CFAP57: variants seen among roughly 807,000 people sequenced by gnomAD.
The protein encoded by CFAP57 is cilia and flagella associated protein 57, also known as cilia- and flagella-associated protein 57.
CFAP57 carries 116 observed loss-of-function variants against 146.8 expected under a neutral mutation model. The ratio of observed to expected loss-of-function variants is 0.79; its 90% confidence interval spans 0.68 to 0.92. The LOEUF is 0.92. Among genes scored for constraint, CFAP57 ranks in the 40% least tolerant of loss-of-function variants. CFAP57 has a pLI of 0.00. For missense variants in CFAP57, 1,377 were observed against 1,527.2 expected (o/e 0.90, Z 1.64); for synonymous variants, 518 against 552.8 (o/e 0.94, Z 0.88).
chr1:43,185,059 C>G (rs1387724594), intron 4 of CFAP57, 90 bp from the exon 5 acceptor site: 1 of 1,402,760 alleles, frequency 7.1e-7, no homozygotes, highest in African/African-American at 1.4e-5. Flanking sequence ...TTCTGTCACA[C>G]CCAGTGACAG....
intron 18 of CFAP57, among the ~76,000 whole-genome samples, chr1:43,227,608 A>G (rs1454919143): frequency 6.6e-6 from 1 of 152,182 alleles, no homozygotes; most frequent in African/African-American, 2.4e-5. Context: ...GGCATAATTA[A>G]GAATATGTTC....
In CFAP57 at chr1:43,254,023, T is replaced by C; in HGVS notation, c.3585T>C (p.Asn1195=). The C allele has an allele frequency of 6.4e-7, 1 of 1,550,526 alleles. No homozygotes were observed. The highest frequency in any genetic ancestry group is 8.7e-7 in the Non-Finnish European group (1 of 1,147,000). ...MLSTAPTARL[N]EQEETGRIIE... is the part of the protein sequence containing the mutation. Reference sequence around the variant, plus strand: ...GCACAGCTCCCACCGCAAGGTTGAATGAGCAAGAAGAAACTGGGAGGATCA... The same window carrying C: ...GCACAGCTCCCACCGCAAGGTTGAACGAGCAAGAAGAAACTGGGAGGATCA... Residue 1195 remains asparagine (N), a synonymous_variant, in exon 23 of 23, where the codon AAT becomes AAC. Transcript: ENST00000372492.
intron 2 of CFAP57, among the ~76,000 whole-genome samples, chr1:43,178,305 A>G (rs1230146908): frequency 6.6e-6 from 1 of 152,236 alleles, no homozygotes; most frequent in Non-Finnish European, 1.5e-5. Context: ...AATTAAACTA[A>G]AGAGCTTCTG....
rs192449118 is a variant in CFAP57 at position 43,237,557 on chromosome 1, T to G, written c.3405+2919T>G. 7.2e-5 allele frequency among the ~76,000 whole-genome samples: 11 copies of G among 152,266 alleles called. No individual in the cohort carries two copies. In the East Asian group the frequency reaches 1.7e-3, roughly 24 times the overall value. On this transcript the variant is annotated intron_variant, in intron 21 of 22. Transcript: ENST00000372492. ...GGCTCATCCTGGAAATGGGGTTCAG[T>G]GATGCCTTCAGGACTTGTGGAAGGT... is the stretch of plus-strand genomic sequence containing the variant.
chr1:43,234,298 TG>T lies in CFAP57; in HGVS notation c.3148del (p.Val1050SerfsTer12). 1 of 1,545,980 alleles carries T rather than the reference TG, an allele frequency of 6.5e-7. No homozygotes were observed. Among genetic ancestry groups the T allele is most frequent in the Non-Finnish European group, 8.7e-7 (1 of 1,145,056 alleles). Reference protein sequence around the residue: ...ERQKERDLEALVKRFKTDLHN... With the variant: ...ERQKERDLEAXVKRFKTDLHN... ...TTGCAGGAGCGAGACTTGGAAGCGC[TG>T]GTCAAAAGGTTTAAAACAGACCTCC... On this transcript the variant is annotated frameshift_variant, in exon 20 of 23. Transcript: ENST00000372492. LOFTEE classifies it high-confidence loss of function.
intron 12 of CFAP57, among the ~76,000 whole-genome samples, chr1:43,218,694 T>C (rs659548): frequency 0.87 from 132,365 of 152,068 alleles, 58,435 homozygotes; most frequent in East Asian, 1. Flanking sequence ...TATTAAAGTA[T>C]TAAAAGTGAG....
At chr1:43,249,251 C>T (rs1365661339) in intron 22 of CFAP57, among the ~76,000 whole-genome samples, 1 of 151,756 alleles carries the variant, frequency 6.6e-6, no homozygotes, top group Non-Finnish European at 1.5e-5. Context: ...AGCCAATGAG[C>T]ATCAAAAATA....
At chr1:43,198,672 A>C (rs1375533474) in intron 8 of CFAP57, 26 bp downstream of exon 8, 4 of 1,612,748 alleles carry the variant, frequency 2.5e-6, no homozygotes, top group East Asian at 2.2e-5. Context: ...CTGAAGACAA[A>C]AGTCCAGTTT....
At chr1:43,181,883 T>G (rs1001133443) in intron 3 of CFAP57, 33 bp downstream of exon 3, 12 of 1,607,662 alleles carry the variant, frequency 7.5e-6, no homozygotes, top group Non-Finnish European at 1.0e-5. Flanking sequence ...TCGTGAAAAT[T>G]ATAAAAAATA....
In CFAP57 at chr1:43,183,873, G is replaced by A. The variant is rs1350191313; in HGVS notation, c.757G>A (p.Glu253Lys). 2 of 1,613,856 alleles carry A rather than the reference G, an allele frequency of 1.2e-6. No homozygotes were observed. Among genetic ancestry groups the A allele is most frequent in the Admixed American group, 1.7e-5 (1 of 60,008 alleles). The change falls in exon 4 of 23, where the codon GAG (glutamate) becomes AAG (lysine). Residue 253 changes from glutamate to lysine, a missense_variant. Coordinates refer to ENST00000372492, the MANE Select transcript of CFAP57 (RefSeq NM_001378189.1). ...GAGCCTGGATGTCATTCAGGAATCA[G>A]AGAGGTAATGGTGCTTCCTGGGCTG... ...SKSLDVIQESESLIEFPPVSS... is the reference protein window; with the variant it reads ...SKSLDVIQESKSLIEFPPVSS...
intron 12 of CFAP57, 42 bp from the exon 13 acceptor site, chr1:43,219,340 C>G: frequency 6.5e-7 from 1 of 1,532,006 alleles, no homozygotes; most frequent in Non-Finnish European, 8.8e-7. Flanking sequence ...CTGAGTCACC[C>G]TTACTGTCAG....
intron 22 of CFAP57, among the ~76,000 whole-genome samples, chr1:43,248,962 A>G (rs1646223334): frequency 6.6e-6 from 1 of 151,556 alleles, no homozygotes; most frequent in Non-Finnish European, 1.5e-5. Context: ...GCTCAGTGCA[A>G]GCTCCGCCTC....
intron 15 of CFAP57, 25 bp downstream of exon 15, chr1:43,222,320 C>T: frequency 7.2e-7 from 1 of 1,396,960 alleles, no homozygotes; most frequent in Non-Finnish European, 9.3e-7. Flanking sequence ...CCATGCTGTG[C>T]CTCCCTTTCA....
intron 2 of CFAP57, among the ~76,000 whole-genome samples, chr1:43,175,819 GTT>G (rs61528121): frequency 7.3e-6 from 1 of 137,746 alleles, no homozygotes; most frequent in Admixed American, 7.3e-5. Flanking sequence ...ATGTTTTTGG[GTT>G]TTTTTTTTTT....
chr1:43,192,269 G>A (rs1392972792), intron 6 of CFAP57, among the ~76,000 whole-genome samples: 1 of 152,150 alleles, frequency 6.6e-6, no homozygotes, highest in East Asian at 1.9e-4. Flanking sequence ...TTTTAGTGTT[G>A]TTCAGATCTT....
intron 22 of CFAP57, among the ~76,000 whole-genome samples, chr1:43,249,597 CTT>C (rs35050145): frequency 0.032 from 1,694 of 52,672 alleles, 44 homozygotes; most frequent in East Asian, 0.099. Context: ...ACCCAGCTAA[CTT>C]TTTTTTTTTT....
chr1:43,209,277 A>G (rs1204920186), intron 10 of CFAP57, among the ~76,000 whole-genome samples: 2 of 152,232 alleles, frequency 1.3e-5, no homozygotes, highest in Non-Finnish European at 1.5e-5. Context: ...GCAATAGCCC[A>G]TTCTCATTTT....
chr1:43,242,108 G>C (rs1213176746), intron 21 of CFAP57, among the ~76,000 whole-genome samples: 2 of 152,288 alleles, frequency 1.3e-5, no homozygotes, highest in East Asian at 3.9e-4. Flanking sequence ...ACCCCCATCA[G>C]CTGTGTCACA....
At chr1:43,253,888 T>C (rs1646379800) in intron 22 of CFAP57, 89 bp from the exon 23 acceptor site, 1 of 1,192,372 alleles carries the variant, frequency 8.4e-7, no homozygotes, top group Non-Finnish European at 1.2e-6. Context: ...GCCCAATAAA[T>C]GTTTGAGGAA....
Sources: gnomAD v4.1 joint callset for allele counts (sites outside exome capture counted in the v4.1 genomes callset) on GRCh38, gnomAD v4.1.1 for gene constraint, MANE v1.5 for transcripts, NCBI Gene and HGNC (gene_info 2026-07-23, HGNC 2026-07-21) for gene names.